The following CAMKMT variants were observed in gnomAD, a reference collection of about 807,000 sequenced individuals.
The protein encoded by CAMKMT is CaM KMT.
A neutral mutation model predicts 48.0 loss-of-function variants in CAMKMT; 53 were observed. The ratio of observed to expected loss-of-function variants is 1.10; its 90% CI spans 0.89 to 1.39. The LOEUF is 1.39. Ranked by LOEUF, CAMKMT falls within the 40% of genes most tolerant of loss-of-function variation. CAMKMT has a pLI of 0.00. For synonymous variants in CAMKMT, 165 were observed against 152.3 expected (o/e 1.08, Z -0.61); for missense variants, 428 against 402.7 (o/e 1.06, Z -0.54).
At chr2:44,700,814 G>T (rs1056581514) in intron 3 of CAMKMT, among the ~76,000 whole-genome samples, 2 of 152,150 alleles carry the variant, frequency 1.3e-5, no homozygotes, top group African/African-American at 4.8e-5. Context: ...TGGAAAAATG[G>T]CACCAATGGA....
chr2:44,518,171 C>A (rs1189313270), intron 3 of CAMKMT, among the ~76,000 whole-genome samples: 1 of 150,238 alleles, frequency 6.7e-6, no homozygotes, highest in East Asian at 1.9e-4. Flanking sequence ...TTTTTTTTTT[C>A]AAGAAAATTT....
chr2:44,396,098 C>A (rs1040255288), intron 3 of CAMKMT, among the ~76,000 whole-genome samples: 1 of 151,968 alleles, frequency 6.6e-6, no homozygotes, highest in East Asian at 1.9e-4. Context: ...CTGACTCCCT[C>A]CTATATACTA....
intron 3 of CAMKMT, among the ~76,000 whole-genome samples, chr2:44,429,592 G>C (rs1220439587): frequency 6.6e-6 from 1 of 152,002 alleles, no homozygotes; most frequent in East Asian, 1.9e-4. Context: ...ATAAGGTCAG[G>C]AGATCGAGAC....
intron 3 of CAMKMT, among the ~76,000 whole-genome samples, chr2:44,568,914 G>A (rs1668760044): frequency 6.6e-6 from 1 of 152,170 alleles, no homozygotes; most frequent in African/African-American, 2.4e-5. Flanking sequence ...AAGCATGCAA[G>A]CTACATTTCC....
At chr2:44,530,963 C>T (rs1328157733) in intron 3 of CAMKMT, among the ~76,000 whole-genome samples, 1 of 151,778 alleles carries the variant, frequency 6.6e-6, no homozygotes, top group Non-Finnish European at 1.5e-5. Context: ...CAAAGATCTT[C>T]CCCATTGTGC....
intron 3 of CAMKMT, among the ~76,000 whole-genome samples, chr2:44,393,134 C>G (rs1220386528): frequency 1.3e-5 from 2 of 152,106 alleles, no homozygotes; most frequent in Admixed American, 6.5e-5. Context: ...TGCAAATTTT[C>G]AGAGATGAAA....
intron 3 of CAMKMT, among the ~76,000 whole-genome samples, chr2:44,517,513 C>T (rs1241751934): frequency 6.6e-6 from 1 of 152,188 alleles, no homozygotes. Context: ...GCACAGAACT[C>T]TCTAATACCT....
chr2:44,478,764 G>C lies in CAMKMT; in HGVS notation c.376+88459G>C, dbSNP rs376474458. ...CGCCCAGGCTGGAGTGCAGTGGCACGATCTCGGCTCACTGCAAGCTCCACC... is the reference window on the plus strand; with the variant it reads ...CGCCCAGGCTGGAGTGCAGTGGCACCATCTCGGCTCACTGCAAGCTCCACC... On this transcript the variant is annotated intron_variant, in intron 3 of 10. Coordinates refer to ENST00000378494, the MANE Select transcript of CAMKMT (RefSeq NM_024766.5). Among the ~76,000 whole-genome samples the C allele has an allele frequency of 1.3e-3, 198 of 147,280 alleles. 1 individual carries two copies. The highest frequency in any genetic ancestry group is 4.7e-3 in the African/African-American group (189 of 39,862).
chr2:44,743,573 A>C, intron 7 of CAMKMT, 49 bp from the exon 8 acceptor site: 2 of 1,397,546 alleles, frequency 1.4e-6, no homozygotes, highest in Non-Finnish European at 2.0e-6. Context: ...CAAAATCAAA[A>C]TTTAAAAAAA....
chr2:44,471,743 G>C (rs1014724990), intron 3 of CAMKMT, among the ~76,000 whole-genome samples: 2 of 152,132 alleles, frequency 1.3e-5, no homozygotes, highest in African/African-American at 4.8e-5. Context: ...GTCTCACTCT[G>C]TTGCCCAGAC....
intron 3 of CAMKMT, among the ~76,000 whole-genome samples, chr2:44,486,725 C>T (rs978761641): frequency 2.0e-5 from 3 of 152,210 alleles, no homozygotes; most frequent in Admixed American, 6.5e-5. Context: ...AAAGCCTTCC[C>T]AGGCCCATCA....
intron 1 of CAMKMT, among the ~76,000 whole-genome samples, chr2:44,369,065 G>T (rs574162730): frequency 2.0e-5 from 3 of 152,106 alleles, no homozygotes; most frequent in Admixed American, 2.0e-4. Flanking sequence ...TGTATTTTTA[G>T]TAGAGATGGG....
intron 3 of CAMKMT, among the ~76,000 whole-genome samples, chr2:44,515,933 GA>G (rs1670810270): frequency 6.6e-6 from 1 of 152,190 alleles, no homozygotes. Context: ...ATCTATTTAT[GA>G]GAAAGAACAA....
At chr2:44,524,972 A>AC (rs1254507743) in intron 3 of CAMKMT, among the ~76,000 whole-genome samples, 2 of 109,764 alleles carry the variant, frequency 1.8e-5, no homozygotes, top group African/African-American at 3.0e-5. Context: ...TCATAAAAAA[A>AC]AAAAAAAAAC....
chr2:44,721,274 A>G (rs1006751895), intron 7 of CAMKMT, among the ~76,000 whole-genome samples: 2 of 152,208 alleles, frequency 1.3e-5, no homozygotes, highest in Non-Finnish European at 2.9e-5. Flanking sequence ...TGAGATAAAT[A>G]TGATATTTTT....
chr2:44,375,062 T>G (rs1405731546), intron 2 of CAMKMT, among the ~76,000 whole-genome samples: 1 of 152,032 alleles, frequency 6.6e-6, no homozygotes, highest in Non-Finnish European at 1.5e-5. Flanking sequence ...GCCCAGGATT[T>G]CAAGGCTGCA....
chr2:44,768,361 A>ATATATATATATATATAT (rs35058824), intron 10 of CAMKMT, among the ~76,000 whole-genome samples: 3 of 115,740 alleles, frequency 2.6e-5, no homozygotes, highest in Admixed American at 8.9e-5. Context: ...ATATATATAT[A>ATATATATATATATATAT]TTTTTTTTTT....
intron 3 of CAMKMT, among the ~76,000 whole-genome samples, chr2:44,546,114 T>G (rs559639418): frequency 2.8e-4 from 43 of 151,556 alleles, no homozygotes; most frequent in Non-Finnish European, 5.6e-4. Context: ...CATCAGTATC[T>G]GATCATATTC....
intron 3 of CAMKMT, among the ~76,000 whole-genome samples, chr2:44,683,602 C>T (rs545067840): frequency 4.2e-4 from 64 of 152,140 alleles, no homozygotes; most frequent in Non-Finnish European, 7.7e-4. Context: ...GGGCGGATCG[C>T]AAGGTCAGGA....
Sources: allele counts gnomAD v4.1 joint callset (sites outside exome capture counted in the v4.1 genomes callset), GRCh38; gene constraint gnomAD v4.1.1; transcripts MANE v1.5; gene names NCBI Gene and HGNC (gene_info 2026-07-23, HGNC 2026-07-21).